The following PKHD1 variants were observed in gnomAD, a reference collection of about 807,000 sequenced individuals.
The protein encoded by PKHD1 is fibrocystin.
PKHD1 carries 291 observed loss-of-function variants against 412.0 expected under a neutral mutation model. That is an observed-to-expected ratio of 0.71 (90% confidence interval 0.64 to 0.78). PKHD1 has a LOEUF of 0.78. PKHD1 is among the 30% of genes least tolerant of loss of function. The pLI, the probability that PKHD1 is intolerant of heterozygous loss-of-function variation, is 0.00. For missense variants in PKHD1, 4,825 were observed against 4,950.7 expected, an observed-to-expected ratio of 0.97 and a Z score of 0.76; for synonymous variants, 1,777 against 1,821.5, an observed-to-expected ratio of 0.98 and a Z score of 0.62.
At chr6:51,765,858 A>T (rs1788905606) in intron 55 of PKHD1, among the ~76,000 whole-genome samples, 1 of 152,098 alleles carries the variant, frequency 6.6e-6, no homozygotes, top group Admixed American at 6.6e-5. Flanking sequence ...TTGCTTAATA[A>T]TTGAATGCTG....
At chr6:51,793,388 G>C (rs561021396) in intron 52 of PKHD1, among the ~76,000 whole-genome samples, 1 of 152,222 alleles carries the variant, frequency 6.6e-6, no homozygotes, top group Non-Finnish European at 1.5e-5. Flanking sequence ...GGATACATGA[G>C]CAGGATATGC....
intron 63 of PKHD1, among the ~76,000 whole-genome samples, chr6:51,640,261 G>A (rs1031767249): frequency 4.6e-5 from 7 of 152,264 alleles, no homozygotes; most frequent in Admixed American, 1.3e-4. Flanking sequence ...AAATGTGTCC[G>A]TAGAGCACAG....
chr6:51,993,655 TC>T (rs529302415), intron 35 of PKHD1, among the ~76,000 whole-genome samples: 89 of 152,212 alleles, frequency 5.8e-4, no homozygotes, highest in Non-Finnish European at 1.1e-3. Flanking sequence ...ATATGACAAA[TC>T]CACCAGGGAT....
chr6:51,751,114 A>G (rs1379438618), intron 57 of PKHD1, among the ~76,000 whole-genome samples: 1 of 152,022 alleles, frequency 6.6e-6, no homozygotes, highest in African/African-American at 2.4e-5. Flanking sequence ...CTATTTTCCT[A>G]TTTTTCCTTT....
chr6:51,762,850 C>T (rs1273669265), intron 55 of PKHD1, among the ~76,000 whole-genome samples: 3 of 151,916 alleles, frequency 2.0e-5, no homozygotes, highest in African/African-American at 7.2e-5. Flanking sequence ...TATCAACTTG[C>T]CAGATTTGCT....
At position 52,020,431 on chromosome 6, in the gene PKHD1, G is replaced by A. The variant is rs369484004; in HGVS notation, c.5380+2370C>T. 5.9e-5 allele frequency among the ~76,000 whole-genome samples: 9 copies of A among 152,270 alleles called. No homozygotes were observed. In the East Asian group the frequency reaches 1.3e-3, roughly 23 times the overall value. ...TTGTATAGAACAGCTTCCTCATTTG[G>A]GGCTTCAAATTAGGAAAGAATATAG... On this transcript the variant is annotated intron_variant, in intron 33 of 66. Transcript: ENST00000371117.
At chr6:51,986,491 T>C (rs1583727734) in intron 35 of PKHD1, among the ~76,000 whole-genome samples, 2 of 152,184 alleles carry the variant, frequency 1.3e-5, no homozygotes, top group Non-Finnish European at 2.9e-5. Flanking sequence ...ACGAAATACA[T>C]CAATACAGTC....
intron 16 of PKHD1, among the ~76,000 whole-genome samples, chr6:52,057,661 C>T (rs1211110195): frequency 4.6e-5 from 7 of 152,144 alleles, no homozygotes; most frequent in Admixed American, 6.5e-5. Context: ...GTGATCAGCC[C>T]GCCTTGGCCT....
chr6:51,648,944 AGTG>A (rs1198728149), intron 62 of PKHD1, 138 bp downstream of exon 62: 16 of 778,974 alleles, frequency 2.1e-5, no homozygotes, highest in Non-Finnish European at 2.3e-5. Context: ...ATGTGAAAGT[AGTG>A]AGAAGCTCTA....
In PKHD1 at chr6:52,009,655, C is replaced by A. The variant is rs182714219; in HGVS notation, c.5751+654G>T. Among the ~76,000 whole-genome samples, 234 of 152,200 alleles carry A rather than the reference C, an allele frequency of 1.5e-3. 2 individuals carry two copies. Among genetic ancestry groups the A allele is most frequent in the Non-Finnish European group, 2.7e-3 (183 of 68,026 alleles). On this transcript the variant is annotated intron_variant, in intron 35 of 66. Coordinates refer to ENST00000371117, the MANE Select transcript of PKHD1 (RefSeq NM_138694.4). ...TGATCCATTTCCAAAGAGCCCTGAG[C>A]CTCTGATTGCAATTCTCGCAAATTC...
chr6:51,744,675 T>C (rs530958069), intron 59 of PKHD1, 133 bp from the exon 60 acceptor site: 2 of 697,760 alleles, frequency 2.9e-6, no homozygotes, highest in African/African-American at 1.8e-5. Flanking sequence ...TACATAGATA[T>C]AAAATAAAAC....
intron 6 of PKHD1, among the ~76,000 whole-genome samples, chr6:52,074,157 G>T (rs1811029323): frequency 6.6e-6 from 1 of 152,216 alleles, no homozygotes; most frequent in Admixed American, 6.5e-5. Flanking sequence ...AGGAATAGAA[G>T]AGAAAAGCAT....
intron 52 of PKHD1, among the ~76,000 whole-genome samples, chr6:51,800,398 A>C (rs190436761): frequency 4.9e-4 from 75 of 151,930 alleles, no homozygotes; most frequent in African/African-American, 1.5e-3. Flanking sequence ...ACAACAACAA[A>C]AAAGACTCAG....
chr6:51,720,487 A>G (rs1043658370), intron 60 of PKHD1, among the ~76,000 whole-genome samples: 4 of 151,896 alleles, frequency 2.6e-5, no homozygotes, highest in African/African-American at 9.7e-5. Context: ...CAGACTGCTC[A>G]CTCAGCTGTG....
chr6:51,964,740 T>C (rs937730763), intron 35 of PKHD1, among the ~76,000 whole-genome samples: 2 of 152,122 alleles, frequency 1.3e-5, no homozygotes, highest in African/African-American at 2.4e-5. Flanking sequence ...TTTTGTTCAG[T>C]TCTTCTTTAC....
chr6:52,020,027 G>T (rs1007030701), intron 33 of PKHD1, among the ~76,000 whole-genome samples: 2 of 152,062 alleles, frequency 1.3e-5, no homozygotes, highest in African/African-American at 4.8e-5. Context: ...TTGAGTTCAG[G>T]GTCATTATCT....
At chr6:51,762,859 C>T (rs78621330) in intron 55 of PKHD1, among the ~76,000 whole-genome samples, 1,630 of 152,048 alleles carry the variant, frequency 0.011, 29 homozygotes, top group African/African-American at 0.037. Context: ...GCCAGATTTG[C>T]TAATGTTCTA....
chr6:51,744,656 A>G, intron 59 of PKHD1, 114 bp from the exon 60 acceptor site: 1 of 777,206 alleles, frequency 1.3e-6, no homozygotes, highest in Middle Eastern at 3.4e-4. Flanking sequence ...TTTATTATTG[A>G]CAATGTGTTA....
chr6:51,783,527 T>A (rs2151207372), intron 53 of PKHD1, among the ~76,000 whole-genome samples: 1 of 151,850 alleles, frequency 6.6e-6, no homozygotes, highest in Admixed American at 6.6e-5. Flanking sequence ...TAAAACAGTC[T>A]TTATTGAGTT....
Sources: allele counts gnomAD v4.1 joint callset (sites outside exome capture counted in the v4.1 genomes callset), GRCh38; gene constraint gnomAD v4.1.1; transcripts MANE v1.5; gene names NCBI Gene and HGNC (gene_info 2026-07-23, HGNC 2026-07-21).